Variants in LHFPL1 observed in about 807,000 individuals in gnomAD.
LHFPL1 encodes LHFPL tetraspan subfamily member 1.
A neutral mutation model predicts 12.1 loss-of-function variants in LHFPL1; 4 were observed. The ratio of observed to expected loss-of-function variants is 0.33; its 90% CI spans 0.16 to 0.76. The LOEUF (loss-of-function observed/expected upper bound fraction) is 0.76, where lower values mean the gene tolerates loss of function less well. LHFPL1 is among the 30% of genes least tolerant of loss of function. The pLI is 0.61. For missense variants in LHFPL1, 141 were observed against 174.1 expected (o/e 0.81, Z 1.07); for synonymous variants, 52 against 61.9 (o/e 0.84, Z 0.75).
At chrX:112,677,345 T>C (rs924525497) in intron 1 of LHFPL1, among the ~76,000 whole-genome samples, 1 of 111,517 alleles carries the variant, frequency 9.0e-6, no homozygotes, top group African/African-American at 3.3e-5. Context: ...GAAACATGCC[T>C]GCAAGACTGC....
At chrX:112,647,540 G>A (rs955992428) in intron 3 of LHFPL1, among the ~76,000 whole-genome samples, 4 of 112,146 alleles carry the variant, frequency 3.6e-5, no homozygotes, top group African/African-American at 1.3e-4. Flanking sequence ...CTCAAAAGAG[G>A]ACATTTATGC....
intron 1 of LHFPL1, among the ~76,000 whole-genome samples, chrX:112,673,286 G>A (rs1425970613): frequency 8.9e-6 from 1 of 111,862 alleles, no homozygotes. Context: ...GGAAGAAAGT[G>A]CCCTGAGCTG....
intron 1 of LHFPL1, among the ~76,000 whole-genome samples, chrX:112,677,159 C>G (rs1341827412): frequency 2.7e-5 from 3 of 111,799 alleles, no homozygotes; most frequent in African/African-American, 9.8e-5. Flanking sequence ...CTCCCCAGTA[C>G]CCACAGAAAA....
intron 2 of LHFPL1, among the ~76,000 whole-genome samples, chrX:112,668,248 C>T (rs780392790): frequency 3.6e-5 from 4 of 111,934 alleles, no homozygotes; most frequent in Admixed American, 9.4e-5. Context: ...AAGGTCAGGC[C>T]GAAGATGTCC....
intron 2 of LHFPL1, among the ~76,000 whole-genome samples, chrX:112,668,595 C>T (rs956938502): frequency 8.9e-6 from 1 of 112,763 alleles, no homozygotes; most frequent in Admixed American, 9.3e-5. Context: ...GCAAGGCTCA[C>T]GTGGATATAG....
intron 2 of LHFPL1, among the ~76,000 whole-genome samples, chrX:112,666,837 T>C (rs1272396706): frequency 9.0e-6 from 1 of 111,436 alleles, no homozygotes; most frequent in Non-Finnish European, 1.9e-5. Context: ...CATGGACCAC[T>C]GTGGAAAACA....
intron 2 of LHFPL1, among the ~76,000 whole-genome samples, chrX:112,665,553 A>G (rs1393006371): frequency 9.0e-6 from 1 of 111,705 alleles, no homozygotes; most frequent in African/African-American, 3.3e-5. Context: ...ACATGCCTCT[A>G]GGAAGGAAAA....
At chrX:112,665,699 T>G (rs1931313529) in intron 2 of LHFPL1, among the ~76,000 whole-genome samples, 1 of 111,511 alleles carries the variant, frequency 9.0e-6, no homozygotes, top group Admixed American at 9.5e-5. Flanking sequence ...TACCAAATGT[T>G]CTCCCCGACA....
intron 1 of LHFPL1, among the ~76,000 whole-genome samples, chrX:112,673,177 TC>T (rs1218472671): frequency 9.0e-6 from 1 of 111,439 alleles, no homozygotes; most frequent in Non-Finnish European, 1.9e-5. Flanking sequence ...CAACCACAAT[TC>T]CCCTATTGAT....
chrX:112,670,122 G>A (rs1227564402), intron 2 of LHFPL1, among the ~76,000 whole-genome samples: 2 of 112,405 alleles, frequency 1.8e-5, no homozygotes, highest in East Asian at 5.5e-4. Flanking sequence ...TAATGATAAT[G>A]AATTGGGTAA....
chrX:112,638,754 A>C (rs1287126622), intron 3 of LHFPL1, among the ~76,000 whole-genome samples: 1 of 111,901 alleles, frequency 8.9e-6, no homozygotes, highest in East Asian at 2.8e-4. Context: ...AAACAAGTTC[A>C]GGAAATAATA....
At chrX:112,670,528 A>C (rs5974261) in intron 2 of LHFPL1, among the ~76,000 whole-genome samples, 26,070 of 111,742 alleles carry the variant, frequency 0.23, 4,822 homozygotes, top group African/African-American at 0.64. Flanking sequence ...TTTGTGGTAC[A>C]CAACATTTCA....
chrX:112,637,820 C>A (rs187863014), intron 3 of LHFPL1, among the ~76,000 whole-genome samples: 7 of 111,697 alleles, frequency 6.3e-5, no homozygotes, highest in Non-Finnish European at 3.8e-5. Flanking sequence ...TGTAATGGAA[C>A]CTTCAGATAT....
In LHFPL1 at chrX:112,643,080, T is replaced by TA. The variant is rs774495839; in HGVS notation, c.482-11480dup. On this transcript the variant is annotated intron_variant, in intron 3 of 3. Transcript: ENST00000371968. ...AAGAAATACCTGAAACTGGGTAATT[T>TA]AAAAAAAAAAAAAAAAAAAGCCGGG... is the stretch of plus-strand genomic sequence containing the variant. Among the ~76,000 whole-genome samples the TA allele has an allele frequency of 3.2e-3, 268 of 82,755 alleles. 1 individual carries two copies. The highest frequency in any genetic ancestry group is 5.9e-3 in the Admixed American group (44 of 7,403). The allele number at this position is 82,755 out of a possible 115,157, so 71.9% of individuals were successfully genotyped here. A position where few individuals can be genotyped will look rare whatever the true frequency, so the allele number is the denominator to read the frequency against.
intron 3 of LHFPL1, among the ~76,000 whole-genome samples, chrX:112,659,036 T>C (rs1931095915): frequency 8.9e-6 from 1 of 112,138 alleles, no homozygotes; most frequent in Admixed American, 9.4e-5. Context: ...AAAAAACACA[T>C]ATTATATGAT....
intron 3 of LHFPL1, among the ~76,000 whole-genome samples, chrX:112,657,342 A>G (rs5973950): frequency 0.016 from 1,772 of 112,131 alleles, 28 homozygotes; most frequent in African/African-American, 0.055. Context: ...GGAAAACTTC[A>G]TATTATTAAG....
At chrX:112,638,818 G>A (rs1333695491) in intron 3 of LHFPL1, among the ~76,000 whole-genome samples, 1 of 112,149 alleles carries the variant, frequency 8.9e-6, no homozygotes, top group Non-Finnish European at 1.9e-5. Context: ...ACCATCTAAA[G>A]TCATGAAACC....
Position 112,631,285 on chromosome X carries a change from C to T in LHFPL1, c.*135G>A, listed in dbSNP as rs757329983. On this transcript the variant is annotated 3_prime_UTR_variant, in exon 4 of 4. Coordinates refer to ENST00000371968, the MANE Select transcript of LHFPL1 (RefSeq NM_178175.4). ...TGGCTTAAAGATAAGTGAAAATGAA[C>T]GACAATTAGTTTAAAAAGCATGCAA... The T allele has an allele frequency of 4.7e-5, 23 of 493,645 alleles. No homozygotes were observed. Among genetic ancestry groups the T allele is most frequent in the Admixed American group, 1.1e-4 (3 of 26,505 alleles). The allele number at this position is 493,645 out of a possible 1,213,427, so 40.7% of individuals were successfully genotyped here.
chrX:112,637,324 C>T (rs760616061), intron 3 of LHFPL1, among the ~76,000 whole-genome samples: 4 of 112,089 alleles, frequency 3.6e-5, no homozygotes, highest in Non-Finnish European at 3.8e-5. Flanking sequence ...TTGTCACTGG[C>T]GGCCACTTAA....
Sources: gnomAD v4.1 joint callset for allele counts (sites outside exome capture counted in the v4.1 genomes callset) on GRCh38, gnomAD v4.1.1 for gene constraint, MANE v1.5 for transcripts, NCBI Gene and HGNC (gene_info 2026-07-23, HGNC 2026-07-21) for gene names.